Variants in DTNA observed in about 807,000 individuals in gnomAD.
DTNA encodes the protein dystrophin-related protein 3.
DTNA carries 43 observed loss-of-function variants against 100.7 expected under a neutral mutation model. The observed-to-expected ratio is 0.43, with a 90% CI of 0.33 to 0.55. The LOEUF (loss-of-function observed/expected upper bound fraction) is 0.55, where lower values mean the gene tolerates loss of function less well. Among genes scored for constraint, DTNA ranks in the 20% least tolerant of loss-of-function variants. The pLI is 0.04. For missense variants in DTNA, 798 were observed against 953.9 expected, an observed-to-expected ratio of 0.84 and a Z score of 2.15; for synonymous variants, 349 against 347.9, an observed-to-expected ratio of 1.00 and a Z score of -0.04.
At chr18:34,845,965 A>G (rs973830092) in intron 13 of DTNA, among the ~76,000 whole-genome samples, 3 of 152,192 alleles carry the variant, frequency 2.0e-5, no homozygotes, top group Non-Finnish European at 2.9e-5. Flanking sequence ...CATATCACAC[A>G]TGCTGTATGG....
chr18:34,648,099 C>T (rs2060051431), intron 1 of DTNA, among the ~76,000 whole-genome samples: 1 of 152,088 alleles, frequency 6.6e-6, no homozygotes, highest in Non-Finnish European at 1.5e-5. Context: ...GAGGGAACAG[C>T]ATATTAAAGC....
chr18:34,821,441 A>T (rs553063484), intron 9 of DTNA: 3 of 455,476 alleles, frequency 6.6e-6, no homozygotes, highest in Non-Finnish European at 1.3e-5. Flanking sequence ...GGGAAAATTT[A>T]TCAGAATATC....
chr18:34,720,737 T>C (rs141097677), intron 1 of DTNA, among the ~76,000 whole-genome samples: 98 of 152,302 alleles, frequency 6.4e-4, no homozygotes, highest in African/African-American at 2.3e-3. Flanking sequence ...AGCAGAACTG[T>C]CACCACTCTG....
chr18:34,883,518 C>T (rs2096893855), intron 21 of DTNA, among the ~76,000 whole-genome samples: 1 of 151,944 alleles, frequency 6.6e-6, no homozygotes, highest in African/African-American at 2.4e-5. Flanking sequence ...CCATGTTGTC[C>T]AAGCTGGTAT....
intron 1 of DTNA, among the ~76,000 whole-genome samples, chr18:34,636,318 T>C (rs2058665418): frequency 6.6e-6 from 1 of 152,146 alleles, no homozygotes; most frequent in African/African-American, 2.4e-5. Flanking sequence ...TTTCACCACA[T>C]TGATCAGGCT....
intron 3 of DTNA, among the ~76,000 whole-genome samples, chr18:34,792,770 A>G (rs2094805349): frequency 6.6e-6 from 1 of 152,324 alleles, no homozygotes; most frequent in East Asian, 1.9e-4. Context: ...AAAATTAAAC[A>G]TACACTTACT....
chr18:34,595,264 C>G (rs1348428816), intron 1 of DTNA, among the ~76,000 whole-genome samples: 1 of 152,166 alleles, frequency 6.6e-6, no homozygotes, highest in Non-Finnish European at 1.5e-5. Flanking sequence ...CTCAGGTACA[C>G]ACAGTAACAC....
At chr18:34,652,076 AAAG>A (rs2143961885) in intron 1 of DTNA, among the ~76,000 whole-genome samples, 1 of 147,182 alleles carries the variant, frequency 6.8e-6, no homozygotes, top group East Asian at 1.9e-4. Context: ...AAAAGAAAGA[AAAG>A]AAAAAAGGAA....
intron 9 of DTNA, chr18:34,825,337 G>T: frequency 6.2e-7 from 1 of 1,603,266 alleles, no homozygotes; most frequent in East Asian, 2.2e-5. Flanking sequence ...CATAAGTGGG[G>T]ATGAGACACA....
In DTNA at chr18:34,631,232, C is replaced by T. The variant is rs149290732; in HGVS notation, c.-1-124744C>T. Among the ~76,000 whole-genome samples, 930 of 152,268 alleles carry T rather than the reference C, an allele frequency of 6.1e-3. 10 individuals carry two copies. Among genetic ancestry groups the T allele is most frequent in the African/African-American group, 0.021 (871 of 41,548 alleles). ...TAGCCATTACCAAATTACTTAAGCA[C>T]TCTGTGCTGCTATGGCTTGAGGATA... On this transcript the variant is annotated intron_variant, in intron 1 of 19. Transcript: ENST00000283365.
chr18:34,704,939 C>T (rs1413233815), intron 1 of DTNA, among the ~76,000 whole-genome samples: 1 of 152,118 alleles, frequency 6.6e-6, no homozygotes, highest in African/African-American at 2.4e-5. Flanking sequence ...GATGTCATGG[C>T]TGTGCAAACA....
intron 3 of DTNA, among the ~76,000 whole-genome samples, chr18:34,783,077 T>G (rs2094393024): frequency 6.6e-6 from 1 of 152,190 alleles, no homozygotes; most frequent in Non-Finnish European, 1.5e-5. Flanking sequence ...CTGAATAAAG[T>G]TAAACACTGG....
chr18:34,649,570 G>T (rs2060217549), intron 1 of DTNA, among the ~76,000 whole-genome samples: 1 of 151,960 alleles, frequency 6.6e-6, no homozygotes, highest in Non-Finnish European at 1.5e-5. Flanking sequence ...ACAAGTTGTT[G>T]GATTAAATTA....
intron 1 of DTNA, among the ~76,000 whole-genome samples, chr18:34,511,400 C>G (rs1197597981): frequency 6.6e-6 from 1 of 151,964 alleles, no homozygotes; most frequent in Non-Finnish European, 1.5e-5. Flanking sequence ...AAAAGTGATC[C>G]TATGTAACTT....
chr18:34,600,792 A>G, intron 1 of DTNA, among the ~76,000 whole-genome samples: 1 of 152,262 alleles, frequency 6.6e-6, no homozygotes, highest in East Asian at 1.9e-4. Context: ...TGGTTTCCTC[A>G]GGTAACAAAC....
At chr18:34,857,963 T>C (rs540515679) in intron 15 of DTNA, among the ~76,000 whole-genome samples, 17 of 152,298 alleles carry the variant, frequency 1.1e-4, no homozygotes, top group African/African-American at 3.6e-4. Flanking sequence ...ACACATTACC[T>C]TACTTGCTAG....
At chr18:34,567,057 C>G (rs954420381) in intron 1 of DTNA, among the ~76,000 whole-genome samples, 1 of 152,116 alleles carries the variant, frequency 6.6e-6, no homozygotes, top group African/African-American at 2.4e-5. Context: ...TTTGCCTTTT[C>G]AATTCCATGT....
intron 1 of DTNA, among the ~76,000 whole-genome samples, chr18:34,522,706 T>A (rs2042258544): frequency 6.6e-6 from 1 of 152,176 alleles, no homozygotes; most frequent in Non-Finnish European, 1.5e-5. Context: ...TAGACCCATA[T>A]GTATGTTGGG....
At chr18:34,811,821 A>G in intron 5 of DTNA, 138 bp from the exon 6 acceptor site, 1 of 1,022,116 alleles carries the variant, frequency 9.8e-7, no homozygotes, top group South Asian at 1.5e-5. Flanking sequence ...ATTTCAGCAT[A>G]AAAATTAGCT....
Sources: gnomAD v4.1 joint callset for allele counts (sites outside exome capture counted in the v4.1 genomes callset) on GRCh38, gnomAD v4.1.1 for gene constraint, MANE v1.5 for transcripts, NCBI Gene and HGNC (gene_info 2026-07-23, HGNC 2026-07-21) for gene names.